The following VLDLR variants were observed in gnomAD, a reference collection of about 807,000 sequenced individuals.
The protein encoded by VLDLR is very low-density lipoprotein receptor.
Under a neutral mutation model 112.7 loss-of-function variants are expected in VLDLR, and 81 were observed. The observed-to-expected ratio is 0.72, with a 90% CI of 0.60 to 0.86. The LOEUF (loss-of-function observed/expected upper bound fraction) is 0.86. Ranked by LOEUF, VLDLR falls within the 40% of genes least tolerant of loss-of-function variation. The probability of loss-of-function intolerance (pLI) is 0.00; values close to 1 mark genes in which losing one functional copy is unlikely to be tolerated. For synonymous variants in VLDLR, 436 were observed against 384.8 expected, an observed-to-expected ratio of 1.13 and a Z score of -1.56; for missense variants, 1,237 against 1,099.4, an observed-to-expected ratio of 1.13 and a Z score of -1.77.
In VLDLR at chr9:2,639,970, C is replaced by A; in HGVS notation, c.314C>A (p.Pro105Gln). 6.2e-7 allele frequency: 1 copy of A among 1,614,150 alleles called. No individual in the cohort carries two copies. The highest frequency in any genetic ancestry group is 8.5e-7 in the Non-Finnish European group (1 of 1,180,022). Residue 105 changes from proline to glutamine, a missense_variant, in exon 3 of 19, where the codon CCA (proline) becomes CAA (glutamine). By Grantham distance (76) the Pro-to-Gln change is moderately conservative. Coordinates refer to ENST00000382100, the MANE Select transcript of VLDLR (RefSeq NM_003383.5). ...PDCEDGSDES[P>Q]EQCHMRTCRI... Reference sequence around the variant, plus strand: ...TGCGAAGATGGTTCAGATGAAAGCCCAGAACAGTGCCGTGAGTGTAACTTG... The same window carrying A: ...TGCGAAGATGGTTCAGATGAAAGCCAAGAACAGTGCCGTGAGTGTAACTTG...
intron 1 of VLDLR, among the ~76,000 whole-genome samples, chr9:2,630,465 C>T (rs1394069202): frequency 6.6e-6 from 1 of 152,128 alleles, no homozygotes; most frequent in East Asian, 1.9e-4. Context: ...GTGGCCCCAG[C>T]AGTGTGGCAG....
chr9:2,653,967 G>T lies in VLDLR; in HGVS notation c.*99G>T. On this transcript the variant is annotated 3_prime_UTR_variant, in exon 19 of 19. Coordinates refer to ENST00000382100, the MANE Select transcript of VLDLR (RefSeq NM_003383.5). ...CTGAAGTCTCTTTTTCTTCCTCTCG[G>T]CTGGAAGAACATCAAGATACCTTTG... 6 of 1,280,926 alleles carry T rather than the reference G, an allele frequency of 4.7e-6. No individual in the cohort carries two copies. The highest frequency in any genetic ancestry group is 6.8e-6 in the Non-Finnish European group (6 of 880,294). 79.3% of individuals were successfully genotyped at this position (1,280,926 alleles called of 1,614,324 possible).
Position 2,635,500 on chromosome 9 carries a change from C to A in VLDLR, c.130C>A (p.Arg44Ser). The A allele has an allele frequency of 6.2e-7, 1 of 1,614,032 alleles. No homozygotes were observed. The highest frequency in any genetic ancestry group is 1.1e-5 in the South Asian group (1 of 91,048). ...EPSQFQCTNG[R>S]CITLLWKCDG... is the part of the protein sequence containing the mutation. Reference sequence around the variant, plus strand: ...CTCCCAATTCCAGTGCACAAATGGTCGCTGTATTACGCTGTTGTGGAAATG... The same window carrying A: ...CTCCCAATTCCAGTGCACAAATGGTAGCTGTATTACGCTGTTGTGGAAATG... Residue 44 changes from arginine to serine, a missense_variant, in exon 2 of 19, where the codon CGC becomes AGC. By Grantham distance (110) the Arg-to-Ser change is moderately radical (BLOSUM62 -1). Coordinates refer to ENST00000382100, the MANE Select transcript of VLDLR (RefSeq NM_003383.5).
rs367862086 is a variant in VLDLR, at chr9:2,639,888, G to A, written c.232G>A (p.Val78Met). 1.3e-5 allele frequency: 21 copies of A among 1,614,076 alleles called. 1 individual carries two copies. The highest frequency in any genetic ancestry group is 5.5e-5 in the South Asian group (5 of 91,080). The change falls in exon 3 of 19, where the codon GTG becomes ATG. Residue 78 changes from valine to methionine, a missense_variant. By Grantham distance (21) the Val-to-Met change is conservative (BLOSUM62 1). Transcript: ENST00000382100. ...GAAGACGTGTGCTGAATCTGACTTCGTGTGCAACAATGGCCAGTGTGTTCC... is the reference window on the plus strand; with the variant it reads ...GAAGACGTGTGCTGAATCTGACTTCATGTGCAACAATGGCCAGTGTGTTCC... ...VKKTCAESDF[V>M]CNNGQCVPSR... is the part of the protein sequence containing the mutation.
In VLDLR at chr9:2,651,916, C is replaced by A. The variant is rs758903406; in HGVS notation, c.2378C>A (p.Pro793Gln). ...TTAVSEVSVP[P>Q]KGTSAAWAIL... ...GCAGTATCAGAGGTCAGTGTTCCCCCAAAAGGGACTTCTGCCGCATGGGCC... is the reference window on the plus strand; with the variant it reads ...GCAGTATCAGAGGTCAGTGTTCCCCAAAAAGGGACTTCTGCCGCATGGGCC... The change falls in exon 17 of 19, where the codon CCA (proline) becomes CAA (glutamine). Residue 793 changes from proline to glutamine, a missense_variant. Transcript: ENST00000382100. 8.7e-6 allele frequency: 14 copies of A among 1,614,096 alleles called. No individual in the cohort carries two copies. In the East Asian group the frequency reaches 1.1e-4, roughly 13 times the overall value.
intron 14 of VLDLR, among the ~76,000 whole-genome samples, chr9:2,649,931 GC>G (rs1307179156): frequency 1.3e-5 from 2 of 152,114 alleles, no homozygotes; most frequent in African/African-American, 4.8e-5. Flanking sequence ...AAAACACTTG[GC>G]TGGTTCTATC....
intron 12 of VLDLR, 178 bp downstream of exon 12, chr9:2,647,770 C>G (rs1818139944): frequency 5.8e-6 from 4 of 690,258 alleles, no homozygotes; most frequent in Admixed American, 4.1e-5. Flanking sequence ...ACAAATTACA[C>G]ATTCCATAAT....
chr9:2,651,762 T>C (rs1818354832), intron 16 of VLDLR, 112 bp from the exon 17 acceptor site: 2 of 1,177,606 alleles, frequency 1.7e-6, no homozygotes, highest in Non-Finnish European at 2.5e-6. Context: ...TCAATTGTTG[T>C]AGATACTGAA....
rs1818501891 is a variant in VLDLR, at chr9:2,654,305, G to A, written c.*437G>A. ...TTATTGTAAACTTTTTCAATGGTTG[G>A]GACAATGGCAATAGGACAAAACGGG... On this transcript the variant is annotated 3_prime_UTR_variant, in exon 19 of 19. Coordinates refer to ENST00000382100, the MANE Select transcript of VLDLR (RefSeq NM_003383.5). The A allele has an allele frequency of 5.6e-6, 1 of 178,820 alleles. No homozygotes were observed. The highest frequency in any genetic ancestry group is 5.5e-5 in the Admixed American group (1 of 18,156). 11.1% of individuals were successfully genotyped at this position (178,820 alleles called of 1,614,324 possible). A position where few individuals can be genotyped will look rare whatever the true frequency, so the allele number is the denominator to read the frequency against.
intron 8 of VLDLR, 45 bp from the exon 9 acceptor site, chr9:2,644,912 A>C: frequency 6.2e-7 from 1 of 1,614,176 alleles, no homozygotes. Context: ...GTATGTACCT[A>C]GTAAGGTATA....
chr9:2,648,618 G>T (rs1348011912), intron 13 of VLDLR, 51 bp from the exon 14 acceptor site: 2 of 1,613,600 alleles, frequency 1.2e-6, no homozygotes. Context: ...CCTTAGAAAT[G>T]GACTTGTGTT....
chr9:2,646,418 G>A lies in VLDLR; in HGVS notation c.1569G>A (p.Val523=). ...YNPAAIAVDW[V]YKTIYWTDAA... ...CTGCAGCCATTGCTGTTGATTGGGTGTACAAGACCATCTACTGGACTGATG... is the reference window on the plus strand; with the variant it reads ...CTGCAGCCATTGCTGTTGATTGGGTATACAAGACCATCTACTGGACTGATG... Residue 523 remains valine (V), a synonymous_variant, in exon 11 of 19, where the codon GTG becomes GTA. Coordinates refer to ENST00000382100, the MANE Select transcript of VLDLR (RefSeq NM_003383.5). The A allele has an allele frequency of 6.2e-7, 1 of 1,614,148 alleles. No individual in the cohort carries two copies. The highest frequency in any genetic ancestry group is 8.5e-7 in the Non-Finnish European group (1 of 1,180,008).
At chr9:2,643,026 C>T (rs2130790743) in intron 4 of VLDLR, 134 bp from the exon 5 acceptor site, 1 of 1,338,152 alleles carries the variant, frequency 7.5e-7, no homozygotes, top group Non-Finnish European at 1.0e-6. Context: ...CTTGATTTAA[C>T]TCCATTGTAG....
At chr9:2,631,422 C>T (rs951920783) in intron 1 of VLDLR, among the ~76,000 whole-genome samples, 1 of 151,960 alleles carries the variant, frequency 6.6e-6, no homozygotes, top group Non-Finnish European at 1.5e-5. Flanking sequence ...AAATGCCCAT[C>T]AATAATGAAA....
At position 2,654,587 on chromosome 9, in the gene VLDLR, G is replaced by C. The variant is rs1207622234; in HGVS notation, c.*719G>C. On this transcript the variant is annotated 3_prime_UTR_variant, in exon 19 of 19. Coordinates refer to ENST00000382100, the MANE Select transcript of VLDLR (RefSeq NM_003383.5). ...TTCTTGATGTTGTATAACTAAGCCTGTAATTGGGCTGGTTTCTCTTACACC... is the reference window on the plus strand; with the variant it reads ...TTCTTGATGTTGTATAACTAAGCCTCTAATTGGGCTGGTTTCTCTTACACC... 1 of 152,726 alleles carries C rather than the reference G, an allele frequency of 6.5e-6. No individual in the cohort carries two copies. Among genetic ancestry groups the C allele is most frequent in the Non-Finnish European group, 1.5e-5 (1 of 68,396 alleles). The allele number at this position is 152,726 out of a possible 1,614,324, so 9.5% of individuals were successfully genotyped here.
At chr9:2,632,700 G>C (rs1400017536) in intron 1 of VLDLR, among the ~76,000 whole-genome samples, 1 of 152,056 alleles carries the variant, frequency 6.6e-6, no homozygotes, top group East Asian at 1.9e-4. Context: ...TTAAAAACTT[G>C]AACAGAAAAC....
rs1221608871 is a variant in VLDLR, at chr9:2,632,468, AGT to A, written c.83-2982_83-2981del. Among the ~76,000 whole-genome samples the A allele has an allele frequency of 2.6e-5, 4 of 152,322 alleles. No individual in the cohort carries two copies. In the East Asian group the frequency reaches 7.7e-4, roughly 29 times the overall value. ...AGCCTGAAGAATTAAAAGAATCTCG[AGT>A]GTAGATGATTTCAAGCTCAACTTGT... On this transcript the variant is annotated intron_variant, in intron 1 of 18. Coordinates refer to ENST00000382100, the MANE Select transcript of VLDLR (RefSeq NM_003383.5).
At position 2,646,393 on chromosome 9, in the gene VLDLR, C is replaced by T; in HGVS notation, c.1544C>T (p.Pro515Leu). ...HVKMIDNVYN[P>L]AAIAVDWVYK... ...AAAATGATCGACAATGTCTATAATC[C>T]TGCAGCCATTGCTGTTGATTGGGTG... is the stretch of plus-strand genomic sequence containing the variant. Residue 515 changes from proline (P) to leucine (L), a missense_variant, in exon 11 of 19, where the codon CCT (proline) becomes CTT (leucine). Pro to Leu is a moderately conservative substitution (Grantham distance 98). Transcript: ENST00000382100. 1 of 1,614,118 alleles carries T rather than the reference C, an allele frequency of 6.2e-7. No individual in the cohort carries two copies. The highest frequency in any genetic ancestry group is 8.5e-7 in the Non-Finnish European group (1 of 1,180,008).
rs1733441978 is a variant in VLDLR at position 2,659,311 on chromosome 9, G to A, written c.*5443G>A. ...GGATGTCGCATTGCATGTTTGCTGA[G>A]TCCTCCTCATTGCTGATGTTAGGAT... On this transcript the variant is annotated 3_prime_UTR_variant, in exon 19 of 19. Coordinates refer to ENST00000382100, the MANE Select transcript of VLDLR (RefSeq NM_003383.5). 6.6e-6 allele frequency: 1 copy of A among 152,200 alleles called. No individual in the cohort carries two copies. Among genetic ancestry groups the A allele is most frequent in the African/African-American group, 2.4e-5 (1 of 41,424 alleles). 9.4% of individuals were successfully genotyped at this position (152,200 alleles called of 1,614,324 possible). A position where few individuals can be genotyped will look rare whatever the true frequency, so the allele number is the denominator to read the frequency against.
Sources: gnomAD v4.1 joint callset for allele counts (sites outside exome capture counted in the v4.1 genomes callset) on GRCh38, gnomAD v4.1.1 for gene constraint, MANE v1.5 for transcripts, NCBI Gene and HGNC (gene_info 2026-07-23, HGNC 2026-07-21) for gene names.